Variants in HMG20A observed in about 807,000 individuals in gnomAD.
The protein encoded by HMG20A is high mobility group 20A.
Under a neutral mutation model 43.9 loss-of-function variants are expected in HMG20A, and 17 were observed. The ratio of observed to expected loss-of-function variants is 0.39; its 90% CI spans 0.27 to 0.58. HMG20A has a LOEUF of 0.58. HMG20A is among the 20% of genes least tolerant of loss of function. The pLI, the probability that HMG20A is intolerant of heterozygous loss-of-function variation, is 0.59. For missense variants in HMG20A, 341 were observed against 438.2 expected (o/e 0.78, Z 1.98); for synonymous variants, 132 against 147.5 (o/e 0.89, Z 0.76).
At chr15:77,446,423 TA>T (rs201587772) in intron 1 of HMG20A, among the ~76,000 whole-genome samples, 1 of 149,032 alleles carries the variant, frequency 6.7e-6, no homozygotes. Context: ...TTTTCAACTT[TA>T]AAAAAAAAAC....
chr15:77,447,217 G>T (rs1336221528), intron 1 of HMG20A, among the ~76,000 whole-genome samples: 1 of 152,182 alleles, frequency 6.6e-6, no homozygotes, highest in African/African-American at 2.4e-5. Context: ...TCTGTAGGAA[G>T]GGCAACTTGG....
chr15:77,441,748 T>C (rs201901743), intron 1 of HMG20A, among the ~76,000 whole-genome samples: 2 of 152,148 alleles, frequency 1.3e-5, no homozygotes, highest in African/African-American at 2.4e-5. Context: ...AAGCTTTTTT[T>C]CCCTCATAGC....
intron 1 of HMG20A, among the ~76,000 whole-genome samples, chr15:77,434,738 A>G (rs2073527744): frequency 6.6e-6 from 1 of 152,190 alleles, no homozygotes; most frequent in African/African-American, 2.4e-5. Context: ...AAAAAGATTG[A>G]GAATATCAAG....
At chr15:77,481,170 C>T (rs2072903276) in intron 9 of HMG20A, among the ~76,000 whole-genome samples, 1 of 152,112 alleles carries the variant, frequency 6.6e-6, no homozygotes, top group Admixed American at 6.5e-5. Flanking sequence ...TGGATGGTAA[C>T]TGTACAAGGC....
the HMG20A span, among the ~76,000 whole-genome samples, chr15:77,500,075 C>A: frequency 3.3e-5 from 5 of 152,144 alleles, no homozygotes; most frequent in African/African-American, 9.7e-5. Context: ...AAATGATCCA[C>A]CCGCCTCGGC....
At chr15:77,495,441 C>T in the HMG20A span, among the ~76,000 whole-genome samples, 164 of 152,136 alleles carry the variant, frequency 1.1e-3, 1 homozygote, top group African/African-American at 3.8e-3. Context: ...CCCAGCTACT[C>T]GGGAGGCTGA....
At chr15:77,449,728 C>A (rs1012395882) in intron 1 of HMG20A, among the ~76,000 whole-genome samples, 1 of 144,504 alleles carries the variant, frequency 6.9e-6, no homozygotes, top group Admixed American at 6.7e-5. Flanking sequence ...CCTGTCCCCC[C>A]ACACACACAG....
chr15:77,500,003 G>T, the HMG20A span, among the ~76,000 whole-genome samples: 1 of 151,798 alleles, frequency 6.6e-6, no homozygotes, highest in Non-Finnish European at 1.5e-5. Flanking sequence ...GCTAATTTTT[G>T]TATTTTTAGT....
the HMG20A span, among the ~76,000 whole-genome samples, chr15:77,497,935 CT>C: frequency 6.6e-6 from 1 of 151,560 alleles, no homozygotes; most frequent in Non-Finnish European, 1.5e-5. Context: ...CCTTCTCTCT[CT>C]GGGACCAATT....
At chr15:77,481,914 G>C (rs1595934412) in intron 9 of HMG20A, 1 of 152,230 alleles carries the variant, frequency 6.6e-6, no homozygotes, top group African/African-American at 2.4e-5. Flanking sequence ...ACTCTGACAA[G>C]AGTTTGGCAA....
intron 1 of HMG20A, among the ~76,000 whole-genome samples, chr15:77,424,426 C>A (rs2073404135): frequency 6.6e-6 from 1 of 152,138 alleles, no homozygotes; most frequent in Non-Finnish European, 1.5e-5. Context: ...TAACCATGAG[C>A]AATTTATTTG....
chr15:77,444,563 A>G (rs1472298781), intron 1 of HMG20A, among the ~76,000 whole-genome samples: 1 of 152,234 alleles, frequency 6.6e-6, no homozygotes, highest in Non-Finnish European at 1.5e-5. Context: ...TAAACAAAAA[A>G]GATTAAATCT....
chr15:77,470,433 G>T (rs1014218967), intron 4 of HMG20A, among the ~76,000 whole-genome samples: 4 of 152,046 alleles, frequency 2.6e-5, no homozygotes, highest in Non-Finnish European at 5.9e-5. Context: ...CAACCTCCTG[G>T]CTCTTAAAGG....
At chr15:77,422,908 C>T (rs541177659) in intron 1 of HMG20A, among the ~76,000 whole-genome samples, 3 of 152,170 alleles carry the variant, frequency 2.0e-5, no homozygotes, top group Middle Eastern at 6.8e-3. Context: ...TGTTCACTAT[C>T]TTCTATATTA....
the HMG20A span, among the ~76,000 whole-genome samples, chr15:77,509,446 G>C: frequency 6.6e-6 from 1 of 151,754 alleles, no homozygotes; most frequent in Non-Finnish European, 1.5e-5. Context: ...GTAGGGATGG[G>C]ATTACACCAT....
intron 2 of HMG20A, among the ~76,000 whole-genome samples, chr15:77,460,611 A>T (rs895267228): frequency 1.3e-5 from 2 of 152,222 alleles, no homozygotes; most frequent in African/African-American, 4.8e-5. Flanking sequence ...ACTGAATGAG[A>T]TCACCAAAGA....
intron 2 of HMG20A, among the ~76,000 whole-genome samples, chr15:77,461,527 T>C (rs1595924495): frequency 6.6e-6 from 1 of 152,084 alleles, no homozygotes; most frequent in East Asian, 1.9e-4. Flanking sequence ...AGGGTGCAAA[T>C]AGAAGGGTTG....
In HMG20A at chr15:77,479,271, T is replaced by C. The variant is rs781444737; in HGVS notation, c.1000T>C (p.Phe334Leu). 1 of 1,614,146 alleles carries C rather than the reference T, an allele frequency of 6.2e-7. No homozygotes were observed. The highest frequency in any genetic ancestry group is 1.3e-5 in the African/African-American group (1 of 75,062). ...AGCTAATCCCCAAGACAATGAAAAC[T>C]TCATAGCTACAGTTCGAGAAGTTGT... ...ILANPQDNEN[F>L]IATVREVVNR... The change falls in exon 9 of 10, where the codon TTC (phenylalanine) becomes CTC (leucine). Residue 334 changes from phenylalanine (F) to leucine (L), a missense_variant. Phe to Leu is a conservative substitution (Grantham distance 22). This residue lies in a region of HMG20A where 118 missense variants were observed against 154.5 expected (regional missense o/e 0.76). Transcript: ENST00000336216.
chr15:77,511,358 T>C, the HMG20A span, among the ~76,000 whole-genome samples: 1 of 152,078 alleles, frequency 6.6e-6, no homozygotes, highest in Non-Finnish European at 1.5e-5. Context: ...CCAAAATAAA[T>C]GAGCAAATCT....
Sources: allele counts gnomAD v4.1 joint callset (sites outside exome capture counted in the v4.1 genomes callset), GRCh38; gene constraint gnomAD v4.1.1; regional missense constraint gnomAD v4.1.1; transcripts MANE v1.5; gene names NCBI Gene and HGNC (gene_info 2026-07-23, HGNC 2026-07-21).